Variants in OCSTAMP observed in about 807,000 individuals in gnomAD.
OCSTAMP encodes the protein transmembrane protein C20orf123.
Under a neutral mutation model 25.2 loss-of-function variants are expected in OCSTAMP, and 17 were observed. The ratio of observed to expected loss-of-function variants is 0.68; its 90% CI spans 0.46 to 1.01. OCSTAMP has a LOEUF of 1.01. Among genes scored for constraint, OCSTAMP ranks in the 50% least tolerant of loss-of-function variants. OCSTAMP has a pLI of 0.00. For synonymous variants in OCSTAMP, 345 were observed against 318.9 expected, an observed-to-expected ratio of 1.08 and a Z score of -0.87; for missense variants, 664 against 694.6, an observed-to-expected ratio of 0.96 and a Z score of 0.50.
chr20:46,549,390 G>T (rs376208911), intron 1 of OCSTAMP, among the ~76,000 whole-genome samples: 4 of 152,246 alleles, frequency 2.6e-5, no homozygotes, highest in East Asian at 3.9e-4. Context: ...ATTAAGTCCT[G>T]GTCCCACTAA....
chr20:46,541,822 T>G lies in OCSTAMP; in HGVS notation c.1153A>C (p.Thr385Pro). ...HSSYQWELRLTSARCPLLPAR... is the reference protein window; with the variant it reads ...HSSYQWELRLPSARCPLLPAR... Reference sequence around the variant, plus strand: ...GGTAGCAGTGGGCAGCGGGCGGAGGTGAGGCGGAGCTCCCATTGGTAGGAG... The same window carrying G: ...GGTAGCAGTGGGCAGCGGGCGGAGGGGAGGCGGAGCTCCCATTGGTAGGAG... The change falls in exon 3 of 3, where the codon ACC (threonine) becomes CCC (proline). Residue 385 changes from threonine (T) to proline (P), a missense_variant. Coordinates refer to ENST00000279028, the MANE Select transcript of OCSTAMP (RefSeq NM_080721.3). 9 of 1,477,318 alleles carry G rather than the reference T, an allele frequency of 6.1e-6. No individual in the cohort carries two copies. Among genetic ancestry groups the G allele is most frequent in the Non-Finnish European group, 8.0e-6 (9 of 1,118,998 alleles). 91.5% of individuals were successfully genotyped at this position (1,477,318 alleles called of 1,614,324 possible). A position where few individuals can be genotyped will look rare whatever the true frequency, so the allele number is the denominator to read the frequency against.
In OCSTAMP at chr20:46,546,245, G is replaced by C; in HGVS notation, c.129C>G (p.Ala43=). Residue 43 remains alanine, a synonymous_variant, in exon 2 of 3, where the codon GCC becomes GCG. Transcript: ENST00000279028. ...AWDAFSQPVP[A]SCGQLLTQLL... ...GCTGGGTCAGCAGCTGGCCACAGCT[G>C]GCTGGAACAGGCTGGGAGAAGGCGT... The C allele has an allele frequency of 6.4e-7, 1 of 1,551,202 alleles. No individual in the cohort carries two copies. Among genetic ancestry groups the C allele is most frequent in the Non-Finnish European group, 8.7e-7 (1 of 1,146,988 alleles).
At chr20:46,543,432 G>A (rs771718158) in intron 2 of OCSTAMP, among the ~76,000 whole-genome samples, 1 of 150,262 alleles carries the variant, frequency 6.7e-6, no homozygotes, top group South Asian at 2.1e-4. Context: ...AGGTTCAAGC[G>A]ATTATCTCAC....
At chr20:46,547,316 C>T (rs1341453499) in intron 1 of OCSTAMP, among the ~76,000 whole-genome samples, 1 of 152,122 alleles carries the variant, frequency 6.6e-6, no homozygotes, top group African/African-American at 2.4e-5. Context: ...GGAGGTCAGG[C>T]TGGAGTTATA....
intron 1 of OCSTAMP, 134 bp downstream of exon 1, chr20:46,550,383 G>A (rs879229013): frequency 1.5e-6 from 1 of 682,288 alleles, no homozygotes; most frequent in South Asian, 1.9e-5. Context: ...GAGGCTCACA[G>A]AGAACTGAGG....
intron 2 of OCSTAMP, 117 bp from the exon 3 acceptor site, chr20:46,542,044 C>T: frequency 3.0e-6 from 4 of 1,338,326 alleles, no homozygotes; most frequent in Non-Finnish European, 3.8e-6. Flanking sequence ...ACAGAAATAA[C>T]CCGTTTCCCA....
At chr20:46,548,805 C>G (rs2061861171) in intron 1 of OCSTAMP, among the ~76,000 whole-genome samples, 1 of 152,216 alleles carries the variant, frequency 6.6e-6, no homozygotes, top group South Asian at 2.1e-4. Context: ...CCAAGTACCT[C>G]TGATCCCCTG....
intron 1 of OCSTAMP, among the ~76,000 whole-genome samples, chr20:46,547,422 G>A (rs574560876): frequency 6.6e-6 from 1 of 152,306 alleles, no homozygotes; most frequent in East Asian, 1.9e-4. Flanking sequence ...TGTCACTGGG[G>A]AGGAAAGACA....
At chr20:46,546,377 T>G in intron 1 of OCSTAMP, 48 bp from the exon 2 acceptor site, 65 of 1,173,672 alleles carry the variant, frequency 5.5e-5, no homozygotes, top group Non-Finnish European at 6.9e-5. Context: ...GGTGGGTGGG[T>G]GGGTGTCTGT....
intron 1 of OCSTAMP, among the ~76,000 whole-genome samples, chr20:46,547,900 A>C (rs1221656871): frequency 6.6e-6 from 1 of 152,146 alleles, no homozygotes; most frequent in Non-Finnish European, 1.5e-5. Flanking sequence ...ACATTGACAA[A>C]GGGGAGACTC....
rs377761971 is a variant in OCSTAMP, at chr20:46,545,639, G to T, written c.735C>A (p.Leu245=). The change falls in exon 2 of 3, where the codon CTC becomes CTA. Residue 245 remains leucine (L), a synonymous_variant. Transcript: ENST00000279028. ...LGLLVESAWY[L]HCYLTDLRFD... is the part of the protein sequence containing the mutation. ...ACCGCAGGTCTGTCAGGTAGCAATG[G>T]AGGTACCATGCCGACTCCACCAGGA... 9.0e-5 allele frequency: 139 copies of T among 1,551,730 alleles called. No homozygotes were observed. The highest frequency in any genetic ancestry group is 2.7e-4 in the Admixed American group (14 of 51,000).
At chr20:46,543,303 TTC>T (rs1229349716) in intron 2 of OCSTAMP, among the ~76,000 whole-genome samples, 1 of 47,316 alleles carries the variant, frequency 2.1e-5, no homozygotes, top group African/African-American at 1.4e-4. Context: ...CTCTTTCTCT[TTC>T]CTTTCTTTCT....
rs1392190514 is a variant in OCSTAMP at position 46,545,947 on chromosome 20, C to T, written c.427G>A (p.Gly143Ser). Reference sequence around the variant, plus strand: ...CACCTCAGCACCTGCCCGGCCGCACCCACGTTGGCCAGGACGTTGGGCACC... The same window carrying T: ...CACCTCAGCACCTGCCCGGCCGCACTCACGTTGGCCAGGACGTTGGGCACC... Reference protein sequence around the residue: ...AVVPNVLANVGAAGQVLRCVT... With the variant: ...AVVPNVLANVSAAGQVLRCVT... Residue 143 changes from glycine to serine, a missense_variant, in exon 2 of 3, where the codon GGT becomes AGT. Transcript: ENST00000279028. 7 of 1,551,420 alleles carry T rather than the reference C, an allele frequency of 4.5e-6. No individual in the cohort carries two copies. Among genetic ancestry groups the T allele is most frequent in the East Asian group, 2.4e-5 (1 of 40,918 alleles).
In OCSTAMP at chr20:46,545,380, C is replaced by A. The variant is rs1257554541; in HGVS notation, c.994G>T (p.Asp332Tyr). ...ACAGTTGGCAACTTCTGAGCCCAGTCCACAGTAGCCTGTGCCAGGAGGAAG... is the reference window on the plus strand; with the variant it reads ...ACAGTTGGCAACTTCTGAGCCCAGTACACAGTAGCCTGTGCCAGGAGGAAG... ...VAFLLAQATV[D>Y]WAQKLPTVPI... is the part of the protein sequence containing the mutation. The change falls in exon 2 of 3, where the codon GAC becomes TAC. Residue 332 changes from aspartate (D) to tyrosine (Y), a missense_variant. Asp to Tyr is a radical substitution (Grantham distance 160, BLOSUM62 -3). Transcript: ENST00000279028. 6.6e-7 allele frequency: 1 copy of A among 1,526,254 alleles called. No individual in the cohort carries two copies. Among genetic ancestry groups the A allele is most frequent in the East Asian group, 2.5e-5 (1 of 40,788 alleles). The allele number at this position is 1,526,254 out of a possible 1,614,324, so 94.5% of individuals were successfully genotyped here. A position where few individuals can be genotyped will look rare whatever the true frequency, so the allele number is the denominator to read the frequency against.
chr20:46,547,103 G>A (rs1702886186), intron 1 of OCSTAMP, among the ~76,000 whole-genome samples: 2 of 152,106 alleles, frequency 1.3e-5, no homozygotes, highest in South Asian at 4.1e-4. Context: ...GGGAGTCAAG[G>A]ATGACGAGGT....
intron 1 of OCSTAMP, among the ~76,000 whole-genome samples, chr20:46,550,290 G>A (rs1056397925): frequency 6.6e-6 from 1 of 152,308 alleles, no homozygotes; most frequent in Non-Finnish European, 1.5e-5. Flanking sequence ...CAGGTGCCAA[G>A]TACTAAGCAT....
rs1303056657 is a variant in OCSTAMP, at chr20:46,545,753, G to C, written c.621C>G (p.Val207=). 3.2e-6 allele frequency: 5 copies of C among 1,551,620 alleles called. No individual in the cohort carries two copies. Among genetic ancestry groups the C allele is most frequent in the Non-Finnish European group, 4.4e-6 (5 of 1,146,992 alleles). Residue 207 remains valine (V), a synonymous_variant, in exon 2 of 3, where the codon GTC becomes GTG. Transcript: ENST00000279028. ...ACTCCAGGCCAGAGAAATCCTCCAGGACCTGCTGAGTGACCCTGAGCATGT... is the reference window on the plus strand; with the variant it reads ...ACTCCAGGCCAGAGAAATCCTCCAGCACCTGCTGAGTGACCCTGAGCATGT... ...YLHMLRVTQQ[V]LEDFSGLESL...
chr20:46,541,527 T>A lies in OCSTAMP; in HGVS notation c.1448A>T (p.Asp483Val). Reference protein sequence around the residue: ...RPACKPPAWIDYRLDALRTES... With the variant: ...RPACKPPAWIVYRLDALRTES... ...GGTTCTTAAGGCATCCAGCCTGTAG[T>A]CTATCCATGCCGGAGGCTTGCAGGC... The change falls in exon 3 of 3, where the codon GAC becomes GTC. Residue 483 changes from aspartate to valine, a missense_variant. Asp to Val is a radical substitution (Grantham distance 152). Transcript: ENST00000279028. The A allele has an allele frequency of 3.9e-6, 6 of 1,551,738 alleles. No homozygotes were observed. The highest frequency in any genetic ancestry group is 5.2e-6 in the Non-Finnish European group (6 of 1,146,964).
At chr20:46,543,033 G>T (rs932915774) in intron 2 of OCSTAMP, among the ~76,000 whole-genome samples, 5 of 152,174 alleles carry the variant, frequency 3.3e-5, no homozygotes, top group Non-Finnish European at 5.9e-5. Context: ...GCTCTGGAAG[G>T]CACAGAGAAT....
Sources: gnomAD v4.1 joint callset for allele counts (sites outside exome capture counted in the v4.1 genomes callset) on GRCh38, gnomAD v4.1.1 for gene constraint, MANE v1.5 for transcripts, NCBI Gene and HGNC (gene_info 2026-07-23, HGNC 2026-07-21) for gene names.